Variants in FAT3 observed in about 807,000 individuals in gnomAD.
FAT3 encodes FAT atypical cadherin 3.
In FAT3, 95 loss-of-function variants were observed where a neutral mutation model predicts 310.2. The ratio of observed to expected loss-of-function variants is 0.31; its 90% CI spans 0.26 to 0.36. The LOEUF is 0.36. Among genes scored for constraint, FAT3 ranks in the 10% least tolerant of loss-of-function variants. The pLI is 1.00. For missense variants in FAT3, 5,408 were observed against 5,715.6 expected (o/e 0.95, Z 1.74); for synonymous variants, 2,314 against 2,192.9 (o/e 1.06, Z -1.54).
intron 4 of FAT3, among the ~76,000 whole-genome samples, chr11:92,760,823 T>C (rs888218092): frequency 2.6e-5 from 4 of 152,176 alleles, no homozygotes; most frequent in African/African-American, 9.7e-5. Context: ...GGATGCAAAG[T>C]CTATATATTC....
chr11:92,797,094 T>C (rs969957032), intron 9 of FAT3, among the ~76,000 whole-genome samples: 1 of 152,206 alleles, frequency 6.6e-6, no homozygotes, highest in African/African-American at 2.4e-5. Context: ...TAACTTTTTA[T>C]GTTTACTTTT....
chr11:92,443,977 ACT>A lies in FAT3; in HGVS notation c.3293-80655_3293-80654del, dbSNP rs1264803036. Among the ~76,000 whole-genome samples, 8 of 152,254 alleles carry A rather than the reference ACT, an allele frequency of 5.3e-5. No homozygotes were observed. The East Asian group carries it at 1.5e-3, about 29-fold the overall frequency. On this transcript the variant is annotated intron_variant, in intron 2 of 27. Transcript: ENST00000525166. ...GAGAACTGATATCACAAGTGAGGAA[ACT>A]CAGTTTCTTGGACAGTGTTTCCTAT...
intron 4 of FAT3, among the ~76,000 whole-genome samples, chr11:92,700,736 T>C (rs1944074372): frequency 6.6e-6 from 1 of 152,162 alleles, no homozygotes; most frequent in Non-Finnish European, 1.5e-5. Flanking sequence ...ATTTAATAAA[T>C]CTGCTAAGGC....
At chr11:92,620,442 T>G (rs564485339) in intron 3 of FAT3, among the ~76,000 whole-genome samples, 1 of 152,338 alleles carries the variant, frequency 6.6e-6, no homozygotes, top group African/African-American at 2.4e-5. Flanking sequence ...GCACATGTAC[T>G]TTCATGTAGA....
intron 3 of FAT3, among the ~76,000 whole-genome samples, chr11:92,696,045 G>A (rs992946566): frequency 6.6e-6 from 1 of 152,010 alleles, no homozygotes; most frequent in Admixed American, 6.6e-5. Context: ...TGATGGATAT[G>A]TTAATTCACT....
intron 1 of FAT3, among the ~76,000 whole-genome samples, chr11:92,316,279 C>T (rs561237458): frequency 6.6e-6 from 1 of 152,056 alleles, no homozygotes; most frequent in Non-Finnish European, 1.5e-5. Context: ...AGAAGGTTTC[C>T]TTTCACTGAA....
At chr11:92,377,823 C>T (rs1357742372) in intron 2 of FAT3, among the ~76,000 whole-genome samples, 2 of 152,190 alleles carry the variant, frequency 1.3e-5, no homozygotes, top group African/African-American at 4.8e-5. Context: ...GATGCAACAG[C>T]AGCTCAGTGT....
chr11:92,612,179 C>G (rs181799252), intron 3 of FAT3, among the ~76,000 whole-genome samples: 7 of 152,276 alleles, frequency 4.6e-5, no homozygotes, highest in Admixed American at 2.6e-4. Flanking sequence ...TTTTTCCATA[C>G]AAAGCCATTT....
intron 4 of FAT3, among the ~76,000 whole-genome samples, chr11:92,705,177 C>T (rs887305048): frequency 2.6e-5 from 4 of 152,170 alleles, no homozygotes; most frequent in African/African-American, 9.7e-5. Flanking sequence ...GGAACAAACC[C>T]CTCCTAAGCA....
intron 1 of FAT3, among the ~76,000 whole-genome samples, chr11:92,267,742 G>T (rs577837244): frequency 6.6e-6 from 1 of 152,132 alleles, no homozygotes; most frequent in Admixed American, 6.6e-5. Flanking sequence ...TGTTCTCATC[G>T]GAAGTTATTG....
intron 2 of FAT3, among the ~76,000 whole-genome samples, chr11:92,432,157 A>G (rs1167049776): frequency 2.6e-5 from 4 of 152,000 alleles, no homozygotes; most frequent in Non-Finnish European, 5.9e-5. Flanking sequence ...ATTTGTTTGT[A>G]TCCTCTTTTA....
intron 3 of FAT3, among the ~76,000 whole-genome samples, chr11:92,642,280 C>T (rs1223968864): frequency 1.3e-5 from 2 of 152,218 alleles, no homozygotes; most frequent in African/African-American, 4.8e-5. Flanking sequence ...AGTGCCATGA[C>T]TCAGAGATGC....
intron 4 of FAT3, among the ~76,000 whole-genome samples, chr11:92,753,796 G>GTATATATATATATATATATA (rs535763887): frequency 9.8e-6 from 1 of 102,550 alleles, no homozygotes; most frequent in African/African-American, 5.1e-5. Context: ...GTGTGTGTGT[G>GTATATATATATATATATATA]TGTATATATA....
At chr11:92,679,948 T>G (rs1943425957) in intron 3 of FAT3, among the ~76,000 whole-genome samples, 1 of 151,796 alleles carries the variant, frequency 6.6e-6, no homozygotes, top group Non-Finnish European at 1.5e-5. Flanking sequence ...TTTACTCAAG[T>G]TTTAATGGGA....
chr11:92,687,587 T>C lies in FAT3; in HGVS notation c.3608-9797T>C, dbSNP rs116135911. On this transcript the variant is annotated intron_variant, in intron 3 of 27. Coordinates refer to ENST00000525166, the MANE Select transcript of FAT3 (RefSeq NM_001367949.2). ...TTGCCTTGTACTGTAGTGATTCTTA[T>C]ATGTGTCTACCTCTCTCACTGGATT... 7.0e-4 allele frequency among the ~76,000 whole-genome samples: 106 copies of C among 152,336 alleles called. 1 individual carries two copies. Among genetic ancestry groups the C allele is most frequent in the African/African-American group, 2.2e-3 (90 of 41,580 alleles).
intron 3 of FAT3, among the ~76,000 whole-genome samples, chr11:92,547,619 C>T (rs1239778622): frequency 1.3e-5 from 2 of 152,114 alleles, no homozygotes; most frequent in African/African-American, 4.8e-5. Context: ...ACCTCCCCTG[C>T]TTCTGCCCTC....
chr11:92,621,281 A>G (rs1359013795), intron 3 of FAT3, among the ~76,000 whole-genome samples: 1 of 152,216 alleles, frequency 6.6e-6, no homozygotes, highest in Admixed American at 6.5e-5. Flanking sequence ...GTATCCAAAC[A>G]GATAAATTGA....
At chr11:92,584,672 G>T (rs2135542979) in intron 3 of FAT3, among the ~76,000 whole-genome samples, 1 of 152,094 alleles carries the variant, frequency 6.6e-6, no homozygotes, top group South Asian at 2.1e-4. Flanking sequence ...AGATGATGGA[G>T]ATGGTAGAAA....
intron 3 of FAT3, among the ~76,000 whole-genome samples, chr11:92,568,262 TAAG>T (rs1433908271): frequency 3.9e-5 from 6 of 152,106 alleles, no homozygotes; most frequent in Non-Finnish European, 8.8e-5. Flanking sequence ...TCCCCCAAGA[TAAG>T]AAGAATTTAA....
Sources: gnomAD v4.1 joint callset for allele counts (sites outside exome capture counted in the v4.1 genomes callset) on GRCh38, gnomAD v4.1.1 for gene constraint, MANE v1.5 for transcripts, NCBI Gene and HGNC (gene_info 2026-07-23, HGNC 2026-07-21) for gene names.